Variants in TRIO observed in about 807,000 individuals in gnomAD.
The protein encoded by TRIO is trio Rho guanine nucleotide exchange factor.
Under a neutral mutation model 351.9 loss-of-function variants are expected in TRIO, and 58 were observed. That is an observed-to-expected ratio of 0.16 (90% CI 0.13 to 0.21). The LOEUF is 0.21. TRIO is among the 10% of genes least tolerant of loss of function. The pLI is 1.00. For synonymous variants in TRIO, 1,758 were observed against 1,595.7 expected, an observed-to-expected ratio of 1.10 and a Z score of -2.42; for missense variants, 3,201 against 4,027.8, an observed-to-expected ratio of 0.79 and a Z score of 5.56.
At chr5:14,369,971 C>T (rs145484142) in intron 18 of TRIO, among the ~76,000 whole-genome samples, 42 of 152,338 alleles carry the variant, frequency 2.8e-4, no homozygotes, top group African/African-American at 8.4e-4. Flanking sequence ...GAGCGCCACA[C>T]GGCTTGTGGT....
chr5:14,238,482 C>T (rs532890462), intron 1 of TRIO, among the ~76,000 whole-genome samples: 2 of 152,288 alleles, frequency 1.3e-5, no homozygotes, highest in South Asian at 4.1e-4. Flanking sequence ...CATGTGGGCC[C>T]TCCTGGGTCC....
intron 1 of TRIO, among the ~76,000 whole-genome samples, chr5:14,219,771 G>A (rs1792474513): frequency 6.6e-6 from 1 of 152,040 alleles, no homozygotes; most frequent in Non-Finnish European, 1.5e-5. Context: ...TTTACCTGAG[G>A]ACTAACATTA....
intron 55 of TRIO, among the ~76,000 whole-genome samples, chr5:14,505,379 G>A (rs1362738842): frequency 1.3e-5 from 2 of 152,190 alleles, no homozygotes; most frequent in African/African-American, 4.8e-5. Flanking sequence ...GAAAAATGTC[G>A]ATTCCTCCTT....
chr5:14,179,440 TCAA>T (rs1561170098), intron 1 of TRIO, among the ~76,000 whole-genome samples: 1 of 151,772 alleles, frequency 6.6e-6, no homozygotes, highest in Non-Finnish European at 1.5e-5. Flanking sequence ...TTTAAATAAA[TCAA>T]CAAAGCTTTT....
At chr5:14,262,887 A>G (rs1795437623) in intron 1 of TRIO, among the ~76,000 whole-genome samples, 1 of 152,084 alleles carries the variant, frequency 6.6e-6, no homozygotes, top group Non-Finnish European at 1.5e-5. Flanking sequence ...CCTCTTCTTC[A>G]TGGCACTTCT....
chr5:14,331,264 C>G (rs1740881278), intron 10 of TRIO, among the ~76,000 whole-genome samples: 1 of 152,156 alleles, frequency 6.6e-6, no homozygotes, highest in African/African-American at 2.4e-5. Flanking sequence ...GTTTGCATTT[C>G]TTTAAATGTG....
chr5:14,362,979 A>T (rs1176952461), intron 13 of TRIO, among the ~76,000 whole-genome samples: 1 of 150,458 alleles, frequency 6.6e-6, no homozygotes, highest in African/African-American at 2.4e-5. Flanking sequence ...AATATTTAGG[A>T]TAATGATTGG....
At chr5:14,426,094 T>C (rs563105955) in intron 34 of TRIO, among the ~76,000 whole-genome samples, 2 of 152,354 alleles carry the variant, frequency 1.3e-5, no homozygotes, top group South Asian at 4.1e-4. Context: ...CTTGCCCTTT[T>C]TCGTTTCACC....
At chr5:14,464,907 CTCGA>C (rs1387615098) in intron 36 of TRIO, among the ~76,000 whole-genome samples, 1 of 152,082 alleles carries the variant, frequency 6.6e-6, no homozygotes, top group African/African-American at 2.4e-5. Flanking sequence ...CCTTTACGCC[CTCGA>C]TTCTAGCCAT....
intron 33 of TRIO, among the ~76,000 whole-genome samples, chr5:14,415,389 G>A (rs757311998): frequency 1.4e-4 from 21 of 152,140 alleles, no homozygotes; most frequent in Non-Finnish European, 2.9e-4. Context: ...TTCAAACCAG[G>A]TATTGCCGCC....
At position 14,508,356 on chromosome 5, in the gene TRIO, G is replaced by C; in HGVS notation, c.9228G>C (p.Gln3076His). Residue 3076 changes from glutamine to histidine, a missense_variant, in exon 57 of 57, where the codon CAG (glutamine) becomes CAC (histidine). By Grantham distance (24) the Gln-to-His change is conservative. This residue lies in a region of TRIO where 233 missense variants were observed against 292.6 expected (regional missense o/e 0.80). Coordinates refer to ENST00000344204, the MANE Select transcript of TRIO (RefSeq NM_007118.4). ...CCTTCATTGAGCGGCGCAAACACCA[G>C]AATGATGTTCGACCTATCCGTAGCA... ...LTSFIERRKH[Q>H]NDVRPIRSIK... is the part of the protein sequence containing the mutation. The C allele has an allele frequency of 6.2e-7, 1 of 1,614,024 alleles. No homozygotes were observed. Among genetic ancestry groups the C allele is most frequent in the Non-Finnish European group, 8.5e-7 (1 of 1,180,054 alleles).
chr5:14,183,733 C>T (rs1046874332), intron 1 of TRIO: 6 of 469,050 alleles, frequency 1.3e-5, no homozygotes, highest in African/African-American at 1.2e-4. Flanking sequence ...TTCTGCCCCT[C>T]CCGTTTGCTG....
intron 34 of TRIO, among the ~76,000 whole-genome samples, chr5:14,447,075 C>T (rs967258739): frequency 2.0e-5 from 3 of 152,082 alleles, no homozygotes. Context: ...TACTAAAATA[C>T]AAAAATATTA....
chr5:14,469,958 G>C lies in TRIO; in HGVS notation c.5764-1360G>C, dbSNP rs145371316. ...TCTAACAGGCTTCAGCTGTCCAGGTGGGGGATGGGGGGTACAGAACATCCT... is the reference window on the plus strand; with the variant it reads ...TCTAACAGGCTTCAGCTGTCCAGGTCGGGGATGGGGGGTACAGAACATCCT... On this transcript the variant is annotated intron_variant, in intron 37 of 56. Coordinates refer to ENST00000344204, the MANE Select transcript of TRIO (RefSeq NM_007118.4). Among the ~76,000 whole-genome samples the C allele has an allele frequency of 1.4e-3, 214 of 152,312 alleles. 4 individuals are homozygous for C. The South Asian group carries it at 0.028, about 20-fold the overall frequency.
In TRIO at chr5:14,152,360, T is replaced by TTTG. The variant is rs1561139536; in HGVS notation, c.157+8480_157+8481insGTT. Among the ~76,000 whole-genome samples the TTTG allele has an allele frequency of 1.4e-3, 217 of 151,168 alleles. 2 individuals are homozygous for TTTG. The East Asian group carries it at 0.027, about 19-fold the overall frequency. ...ATGGGGGCAGGATGTATTTCAGTTT[T>TTTG]TTTGTTTGTTTGTTTGTTTGTTTGT... On this transcript the variant is annotated intron_variant, in intron 1 of 56. Transcript: ENST00000344204.
At chr5:14,500,050 CA>C (rs35276206) in intron 53 of TRIO, among the ~76,000 whole-genome samples, 2,107 of 91,090 alleles carry the variant, frequency 0.023, 30 homozygotes, top group African/African-American at 0.082. Context: ...GACTCTGTCT[CA>C]AAAAAAAAAA....
At position 14,498,175 on chromosome 5, in the gene TRIO, C is replaced by T; in HGVS notation, c.8134C>T (p.Pro2712Ser). The part of the protein sequence containing the change: ...VVLRCRVCGR[P>S]KASITWKGPE... ...TCTTAGATGTCGAGTCTGTGGCCGC[C>T]CCAAAGCCTCAATTACCTGGAAGGG... Residue 2712 changes from proline (P) to serine (S), a missense_variant, in exon 52 of 57, where the codon CCC (proline) becomes TCC (serine). Pro to Ser is a moderately conservative substitution (Grantham distance 74, BLOSUM62 -1). Transcript: ENST00000344204. 10 of 1,614,182 alleles carry T rather than the reference C, an allele frequency of 6.2e-6. No homozygotes were observed. Among genetic ancestry groups the T allele is most frequent in the African/African-American group, 1.3e-5 (1 of 75,038 alleles).
chr5:14,425,415 C>G (rs1750562998), intron 34 of TRIO, among the ~76,000 whole-genome samples: 1 of 152,166 alleles, frequency 6.6e-6, no homozygotes, highest in African/African-American at 2.4e-5. Flanking sequence ...AATAGCATCC[C>G]CTTGTATGCA....
chr5:14,502,022 T>G (rs1228974837), intron 53 of TRIO, among the ~76,000 whole-genome samples: 1 of 152,228 alleles, frequency 6.6e-6, no homozygotes, highest in Non-Finnish European at 1.5e-5. Context: ...GTTGGCACTT[T>G]TATAATAAAA....
Sources: allele counts gnomAD v4.1 joint callset (sites outside exome capture counted in the v4.1 genomes callset), GRCh38; gene constraint gnomAD v4.1.1; regional missense constraint gnomAD v4.1.1; transcripts MANE v1.5; gene names NCBI Gene and HGNC (gene_info 2026-07-23, HGNC 2026-07-21).